Variants in GPC3 observed in about 807,000 individuals in gnomAD.
The protein encoded by GPC3 is glypican-3.
Under a neutral mutation model 34.4 loss-of-function variants are expected in GPC3, and 3 were observed. The ratio of observed to expected loss-of-function variants is 0.09; its 90% CI spans 0.04 to 0.23. The LOEUF (loss-of-function observed/expected upper bound fraction) is 0.23, where lower values mean the gene tolerates loss of function less well. Ranked by LOEUF, GPC3 falls within the 10% of genes least tolerant of loss-of-function variation. GPC3 has a pLI of 1.00. For missense variants in GPC3, 351 were observed against 445.6 expected (o/e 0.79, Z 1.91); for synonymous variants, 177 against 174.0 (o/e 1.02, Z -0.13).
intron 2 of GPC3, among the ~76,000 whole-genome samples, chrX:133,932,913 G>A (rs1378253856): frequency 9.0e-6 from 1 of 111,369 alleles, no homozygotes; most frequent in African/African-American, 3.3e-5. Context: ...TTGGAAAACA[G>A]CCTTATATTT....
At chrX:133,944,731 A>G (rs1197744852) in intron 2 of GPC3, among the ~76,000 whole-genome samples, 1 of 112,654 alleles carries the variant, frequency 8.9e-6, no homozygotes, top group African/African-American at 3.2e-5. Context: ...ATTACTGCAA[A>G]GCAAAGATAT....
intron 6 of GPC3, among the ~76,000 whole-genome samples, chrX:133,625,788 T>C (rs2070292745): frequency 8.9e-6 from 1 of 112,060 alleles, no homozygotes; most frequent in Admixed American, 9.5e-5. Flanking sequence ...TACCAATGAC[T>C]TTCTTCACAG....
chrX:133,676,584 C>T (rs948580781), intron 5 of GPC3, among the ~76,000 whole-genome samples: 3 of 112,190 alleles, frequency 2.7e-5, no homozygotes, highest in African/African-American at 9.7e-5. Context: ...CCCTCCACTG[C>T]TCAACTCTTT....
chrX:133,814,833 G>A (rs926612040), intron 2 of GPC3, among the ~76,000 whole-genome samples: 2 of 111,464 alleles, frequency 1.8e-5, no homozygotes, highest in Non-Finnish European at 3.8e-5. Flanking sequence ...CTCCCAAAGC[G>A]CTGGGATTAC....
intron 6 of GPC3, among the ~76,000 whole-genome samples, chrX:133,618,855 T>G (rs1473745786): frequency 1.8e-5 from 2 of 111,502 alleles, no homozygotes; most frequent in Non-Finnish European, 3.8e-5. Context: ...TCATCAAAAT[T>G]TAAAACTTTT....
chrX:133,735,840 G>A (rs896401415), intron 3 of GPC3, among the ~76,000 whole-genome samples: 2 of 109,272 alleles, frequency 1.8e-5, no homozygotes, highest in Admixed American at 2.0e-4. Flanking sequence ...GTGTGTGCCT[G>A]TAGTCCCAGC....
At chrX:133,747,185 C>A (rs1346914681) in intron 3 of GPC3, among the ~76,000 whole-genome samples, 1 of 111,818 alleles carries the variant, frequency 8.9e-6, no homozygotes, top group Non-Finnish European at 1.9e-5. Context: ...TGTCCGGAAT[C>A]AAAGGCAGAT....
chrX:133,917,886 G>A (rs897292530), intron 2 of GPC3, among the ~76,000 whole-genome samples: 10 of 111,239 alleles, frequency 9.0e-5, no homozygotes, highest in Non-Finnish European at 5.7e-5. Flanking sequence ...TCCCTTTGAG[G>A]AGAGCTGGAG....
intron 2 of GPC3, among the ~76,000 whole-genome samples, chrX:133,778,166 T>A (rs1247087681): frequency 8.9e-6 from 1 of 111,872 alleles, no homozygotes; most frequent in Non-Finnish European, 1.9e-5. Context: ...AAAAATTACA[T>A]GGGTCAAAAG....
chrX:133,833,133 G>A (rs1347156975), intron 2 of GPC3, among the ~76,000 whole-genome samples: 1 of 111,860 alleles, frequency 8.9e-6, no homozygotes, highest in East Asian at 2.8e-4. Context: ...TTTTTCAGGA[G>A]GGAAATGGAT....
chrX:133,841,789 T>C (rs764643457), intron 2 of GPC3, among the ~76,000 whole-genome samples: 11 of 111,767 alleles, frequency 9.8e-5, no homozygotes, highest in Middle Eastern at 4.6e-3. Context: ...GATCCGTCTT[T>C]AATCTGGTAG....
In GPC3 at chrX:133,985,590, T is replaced by G; in HGVS notation, c.-141A>C. ...GCCGCTGCAAAAGTTTCCTCGCAGCTACCTGGGCGCTGGGCGAGGGCGGGA... is the reference window on the plus strand; with the variant it reads ...GCCGCTGCAAAAGTTTCCTCGCAGCGACCTGGGCGCTGGGCGAGGGCGGGA... On this transcript the variant is annotated 5_prime_UTR_variant, in exon 1 of 8. Coordinates refer to ENST00000370818, the MANE Select transcript of GPC3 (RefSeq NM_004484.4). 1.9e-6 allele frequency: 1 copy of G among 515,609 alleles called. No homozygotes were observed. Among genetic ancestry groups the G allele is most frequent in the Non-Finnish European group, 3.0e-6 (1 of 335,713 alleles). 42.5% of individuals were successfully genotyped at this position (515,609 alleles called of 1,213,427 possible).
chrX:133,963,048 G>C (rs757211015), intron 1 of GPC3, among the ~76,000 whole-genome samples: 2 of 112,065 alleles, frequency 1.8e-5, no homozygotes, highest in Non-Finnish European at 3.8e-5. Flanking sequence ...ATTCTCAACC[G>C]GGCATTGGGA....
At chrX:133,888,741 A>T (rs2124588162) in intron 2 of GPC3, among the ~76,000 whole-genome samples, 1 of 112,494 alleles carries the variant, frequency 8.9e-6, no homozygotes, top group East Asian at 2.8e-4. Context: ...TCTTAGCTTC[A>T]ATCCAACACT....
At chrX:133,755,035 G>A (rs1347581143) in intron 2 of GPC3, among the ~76,000 whole-genome samples, 1 of 111,622 alleles carries the variant, frequency 9.0e-6, no homozygotes, top group Non-Finnish European at 1.9e-5. Context: ...AAGTAGTAAT[G>A]TCACCATCTC....
chrX:133,688,771 A>G (rs1254140282), intron 5 of GPC3, among the ~76,000 whole-genome samples: 1 of 111,684 alleles, frequency 9.0e-6, no homozygotes, highest in Admixed American at 9.5e-5. Flanking sequence ...GGTAACTGTT[A>G]CTTAAGACTA....
chrX:133,748,787 C>T (rs1401390190), intron 3 of GPC3, among the ~76,000 whole-genome samples: 2 of 111,661 alleles, frequency 1.8e-5, no homozygotes, highest in African/African-American at 6.5e-5. Flanking sequence ...TGCATTTAAT[C>T]GCCATATCTT....
chrX:133,895,541 T>C (rs934517648), intron 2 of GPC3, among the ~76,000 whole-genome samples: 5 of 111,474 alleles, frequency 4.5e-5, no homozygotes, highest in Non-Finnish European at 9.4e-5. Context: ...AGTTATTTAG[T>C]GGGCTGGTAG....
At chrX:133,819,275 G>A (rs189200453) in intron 2 of GPC3, among the ~76,000 whole-genome samples, 6 of 104,348 alleles carry the variant, frequency 5.7e-5, no homozygotes, top group Non-Finnish European at 1.2e-4. Context: ...CACTTACGGC[G>A]TCAGGGGCTT....
Sources: allele counts gnomAD v4.1 joint callset (sites outside exome capture counted in the v4.1 genomes callset), GRCh38; gene constraint gnomAD v4.1.1; transcripts MANE v1.5; gene names NCBI Gene and HGNC (gene_info 2026-07-23, HGNC 2026-07-21).